PRPF3: variants seen among roughly 807,000 people sequenced by gnomAD.
PRPF3 encodes the protein pre-mRNA processing factor 3, also known as U4/U6 small nuclear ribonucleoprotein Prp3.
Under a neutral mutation model 89.2 loss-of-function variants are expected in PRPF3, and 3 were observed. The ratio of observed to expected loss-of-function variants is 0.03; its 90% CI spans 0.02 to 0.09. PRPF3 has a LOEUF of 0.09. Among genes scored for constraint, PRPF3 ranks in the 10% least tolerant of loss-of-function variants. PRPF3 has a pLI of 1.00. For synonymous variants in PRPF3, 270 were observed against 289.1 expected (o/e 0.93, Z 0.67); for missense variants, 463 against 828.8 (o/e 0.56, Z 5.42).
At chr1:150,333,364 C>T (rs1560096234) in intron 6 of PRPF3, among the ~76,000 whole-genome samples, 165 bp downstream of exon 6, 1 of 152,012 alleles carries the variant, frequency 6.6e-6, no homozygotes, top group East Asian at 1.9e-4. Context: ...GTCAGGAGTT[C>T]GAGACCAGCC....
chr1:150,325,211 C>T lies in PRPF3; in HGVS notation c.145+124C>T. On this transcript the variant is annotated intron_variant, in intron 2 of 15. Coordinates refer to ENST00000324862, the MANE Select transcript of PRPF3 (RefSeq NM_004698.4). ...AATGGCAGGCCATATTTTATTTTCA[C>T]CTGTATTATAGTGAAAATAGGCTAA... is the stretch of plus-strand genomic sequence containing the variant. The T allele has an allele frequency of 5.3e-6, 6 of 1,136,166 alleles. No homozygotes were observed. In the South Asian group the frequency reaches 8.8e-5, roughly 17 times the overall value. 70.4% of individuals were successfully genotyped at this position (1,136,166 alleles called of 1,614,324 possible). A position where few individuals can be genotyped will look rare whatever the true frequency, so the allele number is the denominator to read the frequency against.
At position 150,328,392 on chromosome 1, in the gene PRPF3, G is replaced by A; in HGVS notation, c.349G>A (p.Glu117Lys). Residue 117 changes from glutamate to lysine, a missense_variant, in exon 4 of 16, where the codon GAG becomes AAG. Around this residue, in one of 8 missense-constraint regions of PRPF3, gnomAD observed 28 missense variants for 48.1 expected, o/e 0.58. Coordinates refer to ENST00000324862, the MANE Select transcript of PRPF3 (RefSeq NM_004698.4). ...AAAGAAGCGACGAATACCCCGTTTT[G>A]AGGAGGTGGAAGAAGAGCCAGAGGT... ...GVKKRRIPRF[E>K]EVEEEPEVIP... 6.2e-7 allele frequency: 1 copy of A among 1,613,988 alleles called. No individual in the cohort carries two copies. The highest frequency in any genetic ancestry group is 1.3e-5 in the African/African-American group (1 of 74,958).
intron 15 of PRPF3, among the ~76,000 whole-genome samples, chr1:150,350,448 T>TG (rs1553874107): frequency 6.6e-6 from 1 of 152,014 alleles, no homozygotes; most frequent in African/African-American, 2.4e-5. Flanking sequence ...TCCGACTGCC[T>TG]TGGCCTCCCA....
chr1:150,346,796 T>G (rs36023386), intron 14 of PRPF3, among the ~76,000 whole-genome samples: 32,428 of 152,070 alleles, frequency 0.21, 3,931 homozygotes, highest in African/African-American at 0.29. Flanking sequence ...ATTTGAAAAT[T>G]CAGCAAGCAG....
In PRPF3 at chr1:150,346,135, G is replaced by T. The variant is rs1553872887; in HGVS notation, c.1758G>T (p.Gly586=). The change falls in exon 13 of 16, where the codon GGG becomes GGT. Residue 586 remains glycine (G), a splice_region_variant and synonymous_variant. Coordinates refer to ENST00000324862, the MANE Select transcript of PRPF3 (RefSeq NM_004698.4). ...HKDVNVVVVE[G]GPKAQKKFKR... is the part of the protein sequence containing the mutation. ...ATGTCAACGTGGTAGTAGTGGAAGG[G>T]GGTGAGTCTGAAAAACTTGAGGGAG... 6.2e-7 allele frequency: 1 copy of T among 1,613,476 alleles called. No individual in the cohort carries two copies. Among genetic ancestry groups the T allele is most frequent in the East Asian group, 2.2e-5 (1 of 44,886 alleles).
chr1:150,328,213 C>T, intron 3 of PRPF3, 107 bp from the exon 4 acceptor site: 1 of 1,372,530 alleles, frequency 7.3e-7, no homozygotes, highest in Non-Finnish European at 1.0e-6. Flanking sequence ...AAGGTTGTGT[C>T]ATATTCCCCT....
intron 4 of PRPF3, among the ~76,000 whole-genome samples, chr1:150,329,288 C>T (rs782325939): frequency 4.6e-5 from 7 of 152,114 alleles, no homozygotes; most frequent in Non-Finnish European, 1.0e-4. Flanking sequence ...CTCAGCCGCC[C>T]AAATGGCTGG....
chr1:150,352,063 G>A (rs587708443), intron 15 of PRPF3, among the ~76,000 whole-genome samples: 1 of 152,232 alleles, frequency 6.6e-6, no homozygotes, highest in South Asian at 2.1e-4. Context: ...TGGCAAGAAT[G>A]CCATTCTGCC....
At chr1:150,340,339 CCTCT>C (rs1178657640) in intron 8 of PRPF3, 55 bp from the exon 9 acceptor site, 72 of 1,251,506 alleles carry the variant, frequency 5.8e-5, no homozygotes, top group Admixed American at 1.0e-4. Flanking sequence ...TTCTGAGACT[CCTCT>C]CTTAGAATCA....
Position 150,324,747 on chromosome 1 carries a change from A to G in PRPF3, c.-48-148A>G, listed in dbSNP as rs1655513336. The G allele has an allele frequency of 1.0e-5, 5 of 502,474 alleles. No individual in the cohort carries two copies. The East Asian group carries it at 2.0e-4, about 21-fold the overall frequency. 31.1% of individuals were successfully genotyped at this position (502,474 alleles called of 1,614,324 possible). A position where few individuals can be genotyped will look rare whatever the true frequency, so the allele number is the denominator to read the frequency against. On this transcript the variant is annotated intron_variant, in intron 1 of 15. Transcript: ENST00000324862. ...TTTTTAGTAGAGGCAGGGTTTCACCATGTTGGCCAGACTGGTCTCGAACTC... is the reference window on the plus strand; with the variant it reads ...TTTTTAGTAGAGGCAGGGTTTCACCGTGTTGGCCAGACTGGTCTCGAACTC...
rs782162492 is a variant in PRPF3, at chr1:150,343,431, A to G, written c.1405A>G (p.Met469Val). Reference sequence around the variant, plus strand: ...ACAAGAAAAAGTCAGGCTGGGCCTGATGCCTCCTCCAGAACCCAAAGGTGC... The same window carrying G: ...ACAAGAAAAAGTCAGGCTGGGCCTGGTGCCTCCTCCAGAACCCAAAGGTGC... ...ELQEKVRLGLMPPPEPKVRIS... is the reference protein window; with the variant it reads ...ELQEKVRLGLVPPPEPKVRIS... Residue 469 changes from methionine (M) to valine (V), a missense_variant, in exon 10 of 16, where the codon ATG becomes GTG. By Grantham distance (21) the Met-to-Val change is conservative (BLOSUM62 1). Around this residue, in one of 8 missense-constraint regions of PRPF3, gnomAD observed 261 missense variants for 475.8 expected, o/e 0.55. Transcript: ENST00000324862. 1 of 1,611,288 alleles carries G rather than the reference A, an allele frequency of 6.2e-7. No homozygotes were observed.
intron 4 of PRPF3, among the ~76,000 whole-genome samples, chr1:150,329,473 C>T (rs1411256396): frequency 1.6e-4 from 24 of 152,096 alleles, no homozygotes; most frequent in Admixed American, 1.6e-3. Flanking sequence ...TTACCTATGT[C>T]GTTGAGTCAT....
In PRPF3 at chr1:150,325,127, T is replaced by C. The variant is rs782532914; in HGVS notation, c.145+40T>C. 47 of 1,606,448 alleles carry C rather than the reference T, an allele frequency of 2.9e-5. No individual in the cohort carries two copies. The East Asian group carries it at 1.0e-3, about 35-fold the overall frequency. On this transcript the variant is annotated intron_variant, in intron 2 of 15. Transcript: ENST00000324862. ...GCATCTTTTATCTTAACATATAGGG[T>C]GACCCCAAACACTGCTTTGAACTTC...
At chr1:150,347,501 C>T (rs35347210) in intron 14 of PRPF3, among the ~76,000 whole-genome samples, 11,715 of 152,080 alleles carry the variant, frequency 0.077, 568 homozygotes, top group Non-Finnish European at 0.093. Context: ...GAGGCCGAGG[C>T]GAGCAGATCA....
chr1:150,351,665 TAA>T (rs1658939178), intron 15 of PRPF3, among the ~76,000 whole-genome samples: 1 of 137,274 alleles, frequency 7.3e-6, no homozygotes, highest in African/African-American at 2.7e-5. Context: ...TGTGCCTGGC[TAA>T]TTTTTTTTTT....
chr1:150,329,734 G>A (rs1364238399), intron 4 of PRPF3: 1 of 152,156 alleles, frequency 6.6e-6, no homozygotes, highest in Non-Finnish European at 1.5e-5. Context: ...TTGCATATAT[G>A]TGATATTTAC....
At chr1:150,348,307 G>A (rs1450102691) in intron 14 of PRPF3, among the ~76,000 whole-genome samples, 1 of 151,778 alleles carries the variant, frequency 6.6e-6, no homozygotes, top group Non-Finnish European at 1.5e-5. Flanking sequence ...TTGAACCCAG[G>A]AAGCGGTTGC....
At chr1:150,327,894 T>A in intron 3 of PRPF3, 1 of 193,268 alleles carries the variant, frequency 5.2e-6, no homozygotes, top group Non-Finnish European at 1.1e-5. Flanking sequence ...AACAATGTAA[T>A]TTAACCTAAT....
chr1:150,335,328 T>G, intron 7 of PRPF3, 87 bp downstream of exon 7: 1 of 1,461,078 alleles, frequency 6.8e-7, no homozygotes, highest in Non-Finnish European at 9.5e-7. Context: ...TTCTAGGAAA[T>G]TAGATAAATA....
Sources: gnomAD v4.1 joint callset for allele counts (sites outside exome capture counted in the v4.1 genomes callset) on GRCh38, gnomAD v4.1.1 for gene constraint, gnomAD v4.1.1 regional missense constraint, MANE v1.5 for transcripts, NCBI Gene and HGNC (gene_info 2026-07-23, HGNC 2026-07-21) for gene names.